RAPGEF5: variants seen among roughly 807,000 people sequenced by gnomAD.
RAPGEF5 encodes the protein M-Ras-regulated GEF.
In RAPGEF5, 65 loss-of-function variants were observed where a neutral mutation model predicts 125.2. The ratio of observed to expected loss-of-function variants is 0.52; its 90% CI spans 0.43 to 0.64. The LOEUF (loss-of-function observed/expected upper bound fraction) is 0.64. Among genes scored for constraint, RAPGEF5 ranks in the 30% least tolerant of loss-of-function variants. The pLI is 0.00. For synonymous variants in RAPGEF5, 391 were observed against 385.9 expected, an observed-to-expected ratio of 1.01 and a Z score of -0.16; for missense variants, 958 against 1,048.1, an observed-to-expected ratio of 0.91 and a Z score of 1.19.
chr7:22,333,902 T>A (rs1460876945), intron 1 of RAPGEF5, among the ~76,000 whole-genome samples: 1 of 152,056 alleles, frequency 6.6e-6, no homozygotes, highest in African/African-American at 2.4e-5. Flanking sequence ...GGGCACGGCA[T>A]GGCTTGACAT....
intron 6 of RAPGEF5, among the ~76,000 whole-genome samples, chr7:22,282,829 T>C (rs549478097): frequency 1.3e-5 from 2 of 152,294 alleles, no homozygotes; most frequent in Non-Finnish European, 2.9e-5. Context: ...AAGAAGTTCA[T>C]CTCTGAGCTG....
chr7:22,353,631 T>C (rs1284907696), intron 1 of RAPGEF5, among the ~76,000 whole-genome samples: 1 of 152,160 alleles, frequency 6.6e-6, no homozygotes, highest in Non-Finnish European at 1.5e-5. Flanking sequence ...ATTAAAAAAA[T>C]TAAAGGGTTT....
At chr7:22,303,282 CT>C (rs894678900) in intron 5 of RAPGEF5, among the ~76,000 whole-genome samples, 4 of 152,244 alleles carry the variant, frequency 2.6e-5, no homozygotes, top group African/African-American at 9.6e-5. Flanking sequence ...CATAACTGTT[CT>C]TTTTTCCCCC....
intron 5 of RAPGEF5, among the ~76,000 whole-genome samples, chr7:22,303,561 T>A (rs1375042062): frequency 6.6e-6 from 1 of 152,228 alleles, no homozygotes; most frequent in Non-Finnish European, 1.5e-5. Flanking sequence ...TGAAGACACT[T>A]AGAAGACAGC....
At chr7:22,304,352 C>A (rs1783282443) in intron 5 of RAPGEF5, among the ~76,000 whole-genome samples, 1 of 152,168 alleles carries the variant, frequency 6.6e-6, no homozygotes. Flanking sequence ...ACAGAAAAAA[C>A]TTGCTGATAA....
chr7:22,160,459 C>A, intron 14 of RAPGEF5, 59 bp downstream of exon 14: 1 of 1,483,068 alleles, frequency 6.7e-7, no homozygotes, highest in Non-Finnish European at 9.1e-7. Flanking sequence ...ATTCCAAATT[C>A]TATCATATTT....
At chr7:22,140,988 G>GT (rs2128103797) in intron 20 of RAPGEF5, among the ~76,000 whole-genome samples, 1 of 152,322 alleles carries the variant, frequency 6.6e-6, no homozygotes, top group South Asian at 2.1e-4. Context: ...AGCAGAGCGT[G>GT]TATCAGGGGC....
intron 5 of RAPGEF5, among the ~76,000 whole-genome samples, chr7:22,293,563 G>A (rs1229555964): frequency 1.3e-5 from 2 of 152,082 alleles, no homozygotes; most frequent in Non-Finnish European, 2.9e-5. Flanking sequence ...AAGATATCAG[G>A]ATCACCTTTC....
At chr7:22,283,130 A>C (rs1287378411) in intron 6 of RAPGEF5, among the ~76,000 whole-genome samples, 2 of 152,096 alleles carry the variant, frequency 1.3e-5, no homozygotes, top group African/African-American at 4.8e-5. Context: ...CATTATAGGC[A>C]CTTTTCTAAT....
chr7:22,184,028 A>G (rs1247254416), intron 11 of RAPGEF5, among the ~76,000 whole-genome samples: 2 of 152,152 alleles, frequency 1.3e-5, no homozygotes, highest in African/African-American at 4.8e-5. Flanking sequence ...TGTTTCTGGC[A>G]TGCTCTAGAC....
At chr7:22,140,873 A>G (rs1249558269) in intron 20 of RAPGEF5, among the ~76,000 whole-genome samples, 1 of 152,156 alleles carries the variant, frequency 6.6e-6, no homozygotes, top group Non-Finnish European at 1.5e-5. Flanking sequence ...CTTTATCTGG[A>G]GAGCATTAGA....
Position 22,310,096 on chromosome 7 carries a change from C to CA in RAPGEF5, c.390-7dup, listed in dbSNP as rs1783433865. 9.7e-6 allele frequency: 15 copies of CA among 1,549,614 alleles called. No individual in the cohort carries two copies. The highest frequency in any genetic ancestry group is 2.2e-5 in the Admixed American group (1 of 45,238). On this transcript the variant is annotated splice_region_variant and splice_polypyrimidine_tract_variant and intron_variant, in intron 3 of 25. Transcript: ENST00000665637. ...CTGACCCAACGCAGCTCCTCCTGAA[C>CA]AAAAGCAAAGCCATTCACAGTAAGA...
intron 7 of RAPGEF5, among the ~76,000 whole-genome samples, chr7:22,241,397 T>C (rs563367501): frequency 2.6e-5 from 4 of 152,130 alleles, no homozygotes; most frequent in Admixed American, 1.3e-4. Flanking sequence ...ACTAAATAAA[T>C]AGAGGGGGCA....
intron 22 of RAPGEF5, 41 bp downstream of exon 22, chr7:22,136,892 A>C (rs748631711): frequency 1.2e-4 from 172 of 1,485,822 alleles, no homozygotes; most frequent in Non-Finnish European, 1.9e-5. Context: ...GACCCTAGCA[A>C]TTATTTTGAA....
At chr7:22,145,479 A>T (rs1311935008) in intron 19 of RAPGEF5, among the ~76,000 whole-genome samples, 1 of 152,274 alleles carries the variant, frequency 6.6e-6, no homozygotes, top group African/African-American at 2.4e-5. Flanking sequence ...TACAAATCTA[A>T]GATATCCTGA....
In RAPGEF5 at chr7:22,174,865, TA is replaced by T. The variant is rs534657528; in HGVS notation, c.1205-7718del. ...CTTGCTGAGCTTGGGTTCCCCAGGT[TA>T]CTCTAAGGAAAGCTATTAGGAAAAA... is the stretch of plus-strand genomic sequence containing the variant. On this transcript the variant is annotated intron_variant, in intron 11 of 25. Transcript: ENST00000665637. Among the ~76,000 whole-genome samples, 931 of 152,302 alleles carry T rather than the reference TA, an allele frequency of 6.1e-3. 10 individuals carry two copies. Among genetic ancestry groups the T allele is most frequent in the African/African-American group, 0.02 (823 of 41,566 alleles).
At chr7:22,132,903 T>A (rs563093790) in intron 23 of RAPGEF5, among the ~76,000 whole-genome samples, 1 of 152,306 alleles carries the variant, frequency 6.6e-6, no homozygotes, top group South Asian at 2.1e-4. Context: ...TAACCCATGC[T>A]CACAGCTATA....
intron 24 of RAPGEF5, among the ~76,000 whole-genome samples, chr7:22,125,913 T>C (rs1313549409): frequency 1.3e-5 from 2 of 152,078 alleles, no homozygotes; most frequent in Non-Finnish European, 2.9e-5. Context: ...TTTGGGAGGC[T>C]GAGGTGGGCG....
intron 7 of RAPGEF5, among the ~76,000 whole-genome samples, chr7:22,244,214 A>G (rs748114356): frequency 3.3e-5 from 5 of 152,076 alleles, no homozygotes; most frequent in Admixed American, 2.0e-4. Context: ...ATATACATAT[A>G]TATATACACA....
Sources: allele counts gnomAD v4.1 joint callset (sites outside exome capture counted in the v4.1 genomes callset), GRCh38; gene constraint gnomAD v4.1.1; transcripts MANE v1.5; gene names NCBI Gene and HGNC (gene_info 2026-07-23, HGNC 2026-07-21).